NPEPPS: variants seen among roughly 807,000 people sequenced by gnomAD.
The protein encoded by NPEPPS is puromycin-sensitive aminopeptidase.
NPEPPS carries 14 observed loss-of-function variants against 115.5 expected under a neutral mutation model. The observed-to-expected ratio is 0.12, with a 90% CI of 0.08 to 0.19. The LOEUF (loss-of-function observed/expected upper bound fraction) is 0.19, where lower values mean the gene tolerates loss of function less well. NPEPPS is among the 10% of genes least tolerant of loss of function. The pLI, the probability that NPEPPS is intolerant of heterozygous loss-of-function variation, is 1.00. For synonymous variants in NPEPPS, 285 were observed against 390.6 expected (o/e 0.73, Z 3.19); for missense variants, 523 against 1,110.8 (o/e 0.47, Z 7.52).
chr17:47,601,761 C>T lies in NPEPPS; in HGVS notation c.1740+14C>T. The T allele has an allele frequency of 6.2e-7, 1 of 1,610,530 alleles. No homozygotes were observed. Among genetic ancestry groups the T allele is most frequent in the Non-Finnish European group, 8.5e-7 (1 of 1,178,550 alleles). ...CAATGGGTGAAGGTGAGTTCAGAAT[C>T]TTACCTAAACAGATTTCTCTCACTT... On this transcript the variant is annotated intron_variant, in intron 15 of 22. Coordinates refer to ENST00000322157, the MANE Select transcript of NPEPPS (RefSeq NM_006310.4).
chr17:47,552,373 A>G (rs2143739720), intron 2 of NPEPPS, among the ~76,000 whole-genome samples: 1 of 152,366 alleles, frequency 6.6e-6, no homozygotes, highest in Admixed American at 6.5e-5. Flanking sequence ...CTGGAGCCAA[A>G]TAAAGAAATG....
At chr17:47,601,925 G>A in intron 15 of NPEPPS, 178 bp downstream of exon 15, 1 of 614,220 alleles carries the variant, frequency 1.6e-6, no homozygotes, top group Non-Finnish European at 2.7e-6. Flanking sequence ...TGTTAGGGAA[G>A]GTAGTGGTAG....
intron 17 of NPEPPS, 52 bp from the exon 18 acceptor site, chr17:47,612,408 A>G: frequency 1.9e-6 from 3 of 1,591,390 alleles, no homozygotes; most frequent in Middle Eastern, 3.5e-4. Context: ...TGGCAAACTT[A>G]TAAAAATAGG....
At chr17:47,533,531 C>G (rs1300168180) in intron 1 of NPEPPS, among the ~76,000 whole-genome samples, 2 of 151,852 alleles carry the variant, frequency 1.3e-5, no homozygotes, top group Non-Finnish European at 2.9e-5. Flanking sequence ...GTTTCTTTAC[C>G]CTATTAGTTG....
intron 2 of NPEPPS, among the ~76,000 whole-genome samples, chr17:47,548,993 T>C (rs970202528): frequency 1.8e-4 from 27 of 152,262 alleles, no homozygotes; most frequent in African/African-American, 6.3e-4. Context: ...GAAAACTTAA[T>C]GGAAAAGGAG....
intron 3 of NPEPPS, among the ~76,000 whole-genome samples, chr17:47,575,687 C>T (rs1421729633): frequency 1.3e-5 from 2 of 151,510 alleles, no homozygotes; most frequent in Non-Finnish European, 2.9e-5. Context: ...TCACTGCAAG[C>T]TCTGCCTCCT....
chr17:47,525,189 T>C (rs1038862019), intron 1 of NPEPPS, among the ~76,000 whole-genome samples: 1 of 152,268 alleles, frequency 6.6e-6, no homozygotes, highest in East Asian at 1.9e-4. Flanking sequence ...CTTCCATTCC[T>C]CTAGCCCAAG....
chr17:47,563,761 G>A (rs1381159049), intron 2 of NPEPPS, among the ~76,000 whole-genome samples: 9 of 151,840 alleles, frequency 5.9e-5, no homozygotes, highest in Admixed American at 3.3e-4. Context: ...TAGTAGAGAC[G>A]GGGTTTCACC....
At chr17:47,566,967 G>A (rs1364899227) in intron 2 of NPEPPS, among the ~76,000 whole-genome samples, 1 of 152,066 alleles carries the variant, frequency 6.6e-6, no homozygotes, top group Non-Finnish European at 1.5e-5. Flanking sequence ...GTAGTCCCCA[G>A]CTATCCCGGA....
chr17:47,524,005 T>C (rs1907322415), intron 1 of NPEPPS, among the ~76,000 whole-genome samples: 1 of 152,048 alleles, frequency 6.6e-6, no homozygotes, highest in African/African-American at 2.4e-5. Context: ...ACTTTTTTTT[T>C]TTTAAGAGAC....
Position 47,623,264 on chromosome 17 carries a change from A to G in NPEPPS, c.*1344A>G, listed in dbSNP as rs1331149363. On this transcript the variant is annotated 3_prime_UTR_variant, in exon 23 of 23. Coordinates refer to ENST00000322157, the MANE Select transcript of NPEPPS (RefSeq NM_006310.4). ...AACAGTTGGCGTTAATAAAAATGTC[A>G]ATGTGAAACTGATGTCCTGATTCAC... The G allele has an allele frequency of 5.8e-6, 1 of 172,404 alleles. No homozygotes were observed. Among genetic ancestry groups the G allele is most frequent in the Non-Finnish European group, 1.2e-5 (1 of 80,928 alleles). 10.7% of individuals were successfully genotyped at this position (172,404 alleles called of 1,614,324 possible). A position where few individuals can be genotyped will look rare whatever the true frequency, so the allele number is the denominator to read the frequency against.
At chr17:47,555,026 A>G (rs948391966) in intron 2 of NPEPPS, among the ~76,000 whole-genome samples, 1 of 152,220 alleles carries the variant, frequency 6.6e-6, no homozygotes, top group African/African-American at 2.4e-5. Context: ...GACTCTAGGC[A>G]GTTGAAACTG....
At chr17:47,554,742 G>T (rs1012505795) in intron 2 of NPEPPS, among the ~76,000 whole-genome samples, 1 of 152,076 alleles carries the variant, frequency 6.6e-6, no homozygotes, top group African/African-American at 2.4e-5. Context: ...CTTGTGCTTT[G>T]AGGCCATTAT....
intron 2 of NPEPPS, among the ~76,000 whole-genome samples, chr17:47,561,225 A>G (rs1910401584): frequency 6.6e-6 from 1 of 151,942 alleles, no homozygotes; most frequent in South Asian, 2.1e-4. Flanking sequence ...GTATAGACAT[A>G]AAGGGGGCCT....
rs746674925 is a variant in NPEPPS at position 47,601,527 on chromosome 17, G to A, written c.1601-81G>A. ...ACTTAACAGTTTGGCTTAGGCTCCT[G>A]GTTAGAACACCACCACTCCTCTCTC... is the stretch of plus-strand genomic sequence containing the variant. On this transcript the variant is annotated intron_variant, in intron 14 of 22. Coordinates refer to ENST00000322157, the MANE Select transcript of NPEPPS (RefSeq NM_006310.4). The A allele has an allele frequency of 2.0e-6, 3 of 1,527,368 alleles. No homozygotes were observed. The Admixed American group carries it at 5.6e-5, about 28-fold the overall frequency. 94.6% of individuals were successfully genotyped at this position (1,527,368 alleles called of 1,614,324 possible).
At chr17:47,557,954 A>G (rs1372029491) in intron 2 of NPEPPS, among the ~76,000 whole-genome samples, 4 of 77,204 alleles carry the variant, frequency 5.2e-5, no homozygotes, top group Non-Finnish European at 7.9e-5. Context: ...TTTTTTTTGT[A>G]CAGTCTCTGT....
intron 1 of NPEPPS, 103 bp from the exon 2 acceptor site, chr17:47,545,806 C>G: frequency 1.4e-6 from 2 of 1,476,508 alleles, no homozygotes; most frequent in South Asian, 1.3e-5. Context: ...CTTGGCCTCC[C>G]AAAGTGCTGG....
In NPEPPS at chr17:47,588,750, G is replaced by A. The variant is rs373275097; in HGVS notation, c.1095+1406G>A. On this transcript the variant is annotated intron_variant, in intron 9 of 22. Transcript: ENST00000322157. ...AAACAAGCAATAAATTTTAGTAGGGGAAATGTGTACATTCTTATTAAACAA... is the reference window on the plus strand; with the variant it reads ...AAACAAGCAATAAATTTTAGTAGGGAAAATGTGTACATTCTTATTAAACAA... Among the ~76,000 whole-genome samples, 22 of 152,144 alleles carry A rather than the reference G, an allele frequency of 1.4e-4. No individual in the cohort carries two copies. The East Asian group carries it at 1.7e-3, about 12-fold the overall frequency.
intron 2 of NPEPPS, among the ~76,000 whole-genome samples, chr17:47,553,367 C>T (rs1028890096): frequency 6.1e-5 from 9 of 148,114 alleles, no homozygotes; most frequent in African/African-American, 2.2e-4. Context: ...GAGACTTCTA[C>T]TCAAAAAAAA....
Sources: allele counts gnomAD v4.1 joint callset (sites outside exome capture counted in the v4.1 genomes callset), GRCh38; gene constraint gnomAD v4.1.1; transcripts MANE v1.5; gene names NCBI Gene and HGNC (gene_info 2026-07-23, HGNC 2026-07-21).